Variants in ROR2 observed in about 807,000 individuals in gnomAD.
ROR2 encodes ROR family WNT receptor 2.
Under a neutral mutation model 74.9 loss-of-function variants are expected in ROR2, and 33 were observed. The observed-to-expected ratio is 0.44, with a 90% CI of 0.33 to 0.59. The LOEUF is 0.59. ROR2 is among the 20% of genes least tolerant of loss of function. The probability of loss-of-function intolerance (pLI) is 0.02; values close to 1 mark genes in which losing one functional copy is unlikely to be tolerated. For synonymous variants in ROR2, 586 were observed against 558.7 expected, an observed-to-expected ratio of 1.05 and a Z score of -0.69; for missense variants, 1,216 against 1,313.8, an observed-to-expected ratio of 0.93 and a Z score of 1.15.
intron 1 of ROR2, among the ~76,000 whole-genome samples, chr9:91,782,024 G>C (rs893778287): frequency 3.9e-5 from 6 of 152,220 alleles, no homozygotes. Context: ...AGGCCACTCA[G>C]GCAGCTGAAT....
At chr9:91,934,935 A>G (rs1226593249) in intron 1 of ROR2, among the ~76,000 whole-genome samples, 1 of 152,202 alleles carries the variant, frequency 6.6e-6, no homozygotes, top group African/African-American at 2.4e-5. Context: ...TAAAATGATG[A>G]CACACTAAAT....
intron 4 of ROR2, among the ~76,000 whole-genome samples, chr9:91,746,248 T>C (rs1372650069): frequency 6.6e-6 from 1 of 151,970 alleles, no homozygotes; most frequent in Non-Finnish European, 1.5e-5. Flanking sequence ...GGCTAATGTT[T>C]GTATTTTTAG....
intron 1 of ROR2, among the ~76,000 whole-genome samples, chr9:91,850,517 G>A (rs1488667162): frequency 6.6e-6 from 1 of 152,158 alleles, no homozygotes; most frequent in Non-Finnish European, 1.5e-5. Context: ...AAACCATGCT[G>A]CTGGCTCTGA....
intron 1 of ROR2, among the ~76,000 whole-genome samples, chr9:91,831,766 G>A (rs2119186327): frequency 6.6e-6 from 1 of 152,212 alleles, no homozygotes; most frequent in South Asian, 2.1e-4. Context: ...AGTGAGCTGA[G>A]ATCACACCAT....
chr9:91,839,476 C>T lies in ROR2; in HGVS notation c.98-63658G>A, dbSNP rs377665620. ...TGTGTGTGTATATGTGAGGTGTATA[C>T]GCGTGAGGATATGTGTGCACATGCT... On this transcript the variant is annotated intron_variant, in intron 1 of 8. Coordinates refer to ENST00000375708, the MANE Select transcript of ROR2 (RefSeq NM_004560.4). Among the ~76,000 whole-genome samples, 156 of 149,266 alleles carry T rather than the reference C, an allele frequency of 1.0e-3. 6 individuals are homozygous for T. The South Asian group carries it at 0.03, about 28-fold the overall frequency.
intron 1 of ROR2, among the ~76,000 whole-genome samples, chr9:91,899,162 A>G (rs530325281): frequency 5.1e-4 from 77 of 152,306 alleles, no homozygotes; most frequent in Admixed American, 1.2e-3. Flanking sequence ...ATGGACCGGA[A>G]AGGGCCCCCA....
intron 1 of ROR2, among the ~76,000 whole-genome samples, chr9:91,861,301 G>A (rs73517065): frequency 0.071 from 10,831 of 152,018 alleles, 448 homozygotes; most frequent in Middle Eastern, 0.13. Context: ...GGAAATGTGA[G>A]GAACACAGAA....
At chr9:91,862,821 C>A (rs1013358538) in intron 1 of ROR2, among the ~76,000 whole-genome samples, 31 of 152,324 alleles carry the variant, frequency 2.0e-4, no homozygotes, top group African/African-American at 6.5e-4. Flanking sequence ...TTTAAGCCCC[C>A]CAGTCTACGG....
intron 1 of ROR2, among the ~76,000 whole-genome samples, chr9:91,847,149 C>T (rs1223925097): frequency 6.6e-6 from 1 of 152,132 alleles, no homozygotes; most frequent in Non-Finnish European, 1.5e-5. Context: ...CCCCATCCTT[C>T]TTAAAGCAAG....
intron 1 of ROR2, among the ~76,000 whole-genome samples, chr9:91,908,273 G>A (rs1830869193): frequency 2.0e-5 from 3 of 152,196 alleles, no homozygotes; most frequent in African/African-American, 7.2e-5. Flanking sequence ...CTGTGCCTGG[G>A]GCACCCGCAG....
chr9:91,802,782 A>T (rs1035171400), intron 1 of ROR2, among the ~76,000 whole-genome samples: 1 of 152,166 alleles, frequency 6.6e-6, no homozygotes, highest in Non-Finnish European at 1.5e-5. Context: ...TCTCCCAATC[A>T]CTGTGGAAGT....
chr9:91,921,852 G>A (rs1280844156), intron 1 of ROR2, among the ~76,000 whole-genome samples: 2 of 107,528 alleles, frequency 1.9e-5, no homozygotes, highest in Admixed American at 1.1e-4. Flanking sequence ...CAGAGACTCC[G>A]TCTCAAAAAA....
intron 3 of ROR2, 139 bp from the exon 4 acceptor site, chr9:91,756,240 C>T: frequency 1.3e-6 from 1 of 769,110 alleles, no homozygotes. Context: ...TCAGGCTCCA[C>T]TCGTGATTAC....
chr9:91,930,792 G>C (rs773358769), intron 1 of ROR2, among the ~76,000 whole-genome samples: 1 of 152,142 alleles, frequency 6.6e-6, no homozygotes, highest in Non-Finnish European at 1.5e-5. Context: ...AGAAACACAT[G>C]GATTCAAACG....
intron 1 of ROR2, among the ~76,000 whole-genome samples, chr9:91,835,833 A>G (rs2119200060): frequency 6.6e-6 from 1 of 152,304 alleles, no homozygotes; most frequent in East Asian, 1.9e-4. Context: ...ACCTTTCTCA[A>G]GAAGACACCA....
intron 1 of ROR2, among the ~76,000 whole-genome samples, chr9:91,924,812 G>A (rs574473312): frequency 2.8e-4 from 42 of 152,010 alleles, no homozygotes; most frequent in Non-Finnish European, 4.4e-4. Flanking sequence ...TTCAACAGAC[G>A]CGGGGCAGGC....
At chr9:91,904,927 C>A (rs969633989) in intron 1 of ROR2, among the ~76,000 whole-genome samples, 2 of 152,154 alleles carry the variant, frequency 1.3e-5, no homozygotes, top group East Asian at 1.9e-4. Flanking sequence ...ACACACCACA[C>A]ACACAGCACA....
chr9:91,913,341 G>T (rs1444179378), intron 1 of ROR2, among the ~76,000 whole-genome samples: 1 of 152,122 alleles, frequency 6.6e-6, no homozygotes, highest in East Asian at 1.9e-4. Context: ...TTTATTCTTT[G>T]GAATGAATCA....
chr9:91,786,210 C>G (rs1028570410), intron 1 of ROR2, among the ~76,000 whole-genome samples: 1 of 146,284 alleles, frequency 6.8e-6, no homozygotes, highest in African/African-American at 2.5e-5. Context: ...ATTTGTGAAC[C>G]CTGACACTCC....
Sources: gnomAD v4.1 joint callset for allele counts (sites outside exome capture counted in the v4.1 genomes callset) on GRCh38, gnomAD v4.1.1 for gene constraint, MANE v1.5 for transcripts, NCBI Gene and HGNC (gene_info 2026-07-23, HGNC 2026-07-21) for gene names.